SH2B1: variants seen among roughly 807,000 people sequenced by gnomAD.
SH2B1 encodes SH2B adaptor protein 1, also known as SH2B adapter protein 1.
A neutral mutation model predicts 62.6 loss-of-function variants in SH2B1; 15 were observed. That is an observed-to-expected ratio of 0.24 (90% CI 0.16 to 0.37). The LOEUF is 0.37. Ranked by LOEUF, SH2B1 falls within the 10% of genes least tolerant of loss-of-function variation. SH2B1 has a pLI of 1.00. For missense variants in SH2B1, 925 were observed against 1,015.6 expected, an observed-to-expected ratio of 0.91 and a Z score of 1.21; for synonymous variants, 443 against 438.0, an observed-to-expected ratio of 1.01 and a Z score of -0.14.
chr16:28,854,647 T>C (rs899394964), intron 1 of SH2B1, among the ~76,000 whole-genome samples: 3 of 152,020 alleles, frequency 2.0e-5, no homozygotes, highest in Non-Finnish European at 4.4e-5. Flanking sequence ...TCCCAACTAC[T>C]TGGAAGGCTG....
rs553859559 is a variant in SH2B1, at chr16:28,864,372, C to G, written c.-1723C>G. 3 of 989,118 alleles carry G rather than the reference C, an allele frequency of 3.0e-6. No individual in the cohort carries two copies. In the African/African-American group the frequency reaches 5.2e-5, roughly 17 times the overall value. 61.3% of individuals were successfully genotyped at this position (989,118 alleles called of 1,614,324 possible). A position where few individuals can be genotyped will look rare whatever the true frequency, so the allele number is the denominator to read the frequency against. ...GCCTGAAGGGGGCTGGGTCTGTCTG[C>G]GGTGCGGAGGATTGGGTGGGCCTGT... On this transcript the variant is annotated 5_prime_UTR_variant, in exon 1 of 8. Transcript: ENST00000684370.
Position 28,872,974 on chromosome 16 carries a change from C to T in SH2B1, c.1897+269C>T, listed in dbSNP as rs1480713697. On this transcript the variant is annotated intron_variant, in intron 7 of 7. Coordinates refer to ENST00000684370, the MANE Select transcript of SH2B1 (RefSeq NM_001387430.1). This position sits in a 1 kb window ranked among gnomAD's most constrained non-coding sequence, Gnocchi z 5.3. ...CCCCATTCCATCGGATCCTCTGTTCCATTGTCTGTCTGTCTCCTGGACCCA... is the reference window on the plus strand; with the variant it reads ...CCCCATTCCATCGGATCCTCTGTTCTATTGTCTGTCTGTCTCCTGGACCCA... 2 of 637,226 alleles carry T rather than the reference C, an allele frequency of 3.1e-6. No homozygotes were observed. Among genetic ancestry groups the T allele is most frequent in the East Asian group, 5.5e-5 (2 of 36,686 alleles). 39.5% of individuals were successfully genotyped at this position (637,226 alleles called of 1,614,324 possible). A position where few individuals can be genotyped will look rare whatever the true frequency, so the allele number is the denominator to read the frequency against.
chr16:28,868,468 T>A (rs961119710), intron 2 of SH2B1, among the ~76,000 whole-genome samples: 1 of 151,838 alleles, frequency 6.6e-6, no homozygotes, highest in Non-Finnish European at 1.5e-5. Flanking sequence ...TTTTATTTTT[T>A]ATATTTTTGA....
In SH2B1 at chr16:28,864,619, G is replaced by A; in HGVS notation, c.-1476G>A. 1 of 985,554 alleles carries A rather than the reference G, an allele frequency of 1.0e-6. No individual in the cohort carries two copies. The highest frequency in any genetic ancestry group is 4.7e-5 in the South Asian group (1 of 21,276). The allele number at this position is 985,554 out of a possible 1,614,324, so 61.1% of individuals were successfully genotyped here. ...TGAACAGGAGTCTGAGGTCGCTGAG[G>A]GTTTGGGGAGGCTTTCCTGAGCTGC... On this transcript the variant is annotated 5_prime_UTR_variant, in exon 1 of 8. Coordinates refer to ENST00000684370, the MANE Select transcript of SH2B1 (RefSeq NM_001387430.1).
intron 1 of SH2B1, among the ~76,000 whole-genome samples, chr16:28,853,412 C>T (rs1962252643): frequency 6.7e-6 from 1 of 150,190 alleles, no homozygotes; most frequent in East Asian, 2.0e-4. Flanking sequence ...ACCATTCTGG[C>T]CAGGCTGGTC....
At chr16:28,867,492 C>A in intron 2 of SH2B1, 60 bp downstream of exon 2, 1 of 1,326,950 alleles carries the variant, frequency 7.5e-7, no homozygotes, top group Non-Finnish European at 1.1e-6. Context: ...GCCCTCAGCG[C>A]ATTTAAGCAA....
In SH2B1 at chr16:28,872,929, TGA is replaced by T; in HGVS notation, c.1897+228_1897+229del. ...TCCTGGCCGGAGCCGGGGCGGCAGC[TGA>T]GAGGTGGGCGGGCGCATCCCCATTC... On this transcript the variant is annotated intron_variant, in intron 7 of 7. Coordinates refer to ENST00000684370, the MANE Select transcript of SH2B1 (RefSeq NM_001387430.1). This position sits in a 1 kb window ranked among gnomAD's most constrained non-coding sequence, Gnocchi z 5.3. The T allele has an allele frequency of 1.5e-6, 1 of 676,582 alleles. No homozygotes were observed. Among genetic ancestry groups the T allele is most frequent in the South Asian group, 1.8e-5 (1 of 54,148 alleles). 41.9% of individuals were successfully genotyped at this position (676,582 alleles called of 1,614,324 possible). A position where few individuals can be genotyped will look rare whatever the true frequency, so the allele number is the denominator to read the frequency against.
chr16:28,854,494 G>A (rs1479488891), intron 1 of SH2B1, among the ~76,000 whole-genome samples: 1 of 152,014 alleles, frequency 6.6e-6, no homozygotes, highest in Non-Finnish European at 1.5e-5. Context: ...GCTCATGCCT[G>A]TATGTAATCC....
At position 28,852,838 on chromosome 16, in the gene SH2B1, A is replaced by ACATATATATATTTTTATATATATT. The variant is rs1962195497; in HGVS notation, c.-301+6011_-301+6012insCATATATATATTTTTATATATATT. On this transcript the variant is annotated intron_variant, in intron 1 of 10. Coordinates refer to the SH2B1 transcript ENST00000322610. The stretch of plus-strand genomic sequence containing the variant: ...TATTTACATATATATTTATATATAT[A>ACATATATATATTTTTATATATATT]TACATATATATATTTTTATATATAT... Among the ~76,000 whole-genome samples, 2 of 46,964 alleles carry ACATATATATATTTTTATATATATT rather than the reference A, an allele frequency of 4.3e-5. 1 individual carries two copies. The highest frequency in any genetic ancestry group is 8.1e-5 in the Non-Finnish European group (2 of 24,668). The allele number at this position is 46,964 out of a possible 152,430, so 30.8% of individuals were successfully genotyped here. A position where few individuals can be genotyped will look rare whatever the true frequency, so the allele number is the denominator to read the frequency against.
chr16:28,859,710 G>GA (rs1044650977), upstream of SH2B1, among the ~76,000 whole-genome samples: 1,979 of 141,196 alleles, frequency 0.014, 34 homozygotes, highest in African/African-American at 0.04. Flanking sequence ...CCTGTATCAG[G>GA]AAAAAAAAAA....
chr16:28,860,314 C>G (rs1280468879), upstream of SH2B1, among the ~76,000 whole-genome samples: 1 of 149,572 alleles, frequency 6.7e-6, no homozygotes, highest in Non-Finnish European at 1.5e-5. Flanking sequence ...TGCAGTGGCA[C>G]GATCTTGGCT....
At chr16:28,869,532 GAT>G in intron 4 of SH2B1, 149 bp downstream of exon 4, 1 of 698,456 alleles carries the variant, frequency 1.4e-6, no homozygotes, top group Non-Finnish European at 2.3e-6. Context: ...GTTGGTCTTT[GAT>G]CCCTGAACAC....
upstream of SH2B1, among the ~76,000 whole-genome samples, chr16:28,859,371 A>T (rs1194003387): frequency 6.6e-6 from 1 of 152,178 alleles, no homozygotes; most frequent in Admixed American, 6.6e-5. Context: ...CAACAGATAA[A>T]TTCCTTATTA....
In SH2B1 at chr16:28,863,991, T is replaced by C; in HGVS notation, c.-2104T>C. 9 of 1,316,162 alleles carry C rather than the reference T, an allele frequency of 6.8e-6. No homozygotes were observed. Among genetic ancestry groups the C allele is most frequent in the South Asian group, 1.6e-5 (1 of 63,620 alleles). The allele number at this position is 1,316,162 out of a possible 1,614,324, so 81.5% of individuals were successfully genotyped here. On this transcript the variant is annotated 5_prime_UTR_variant, in exon 1 of 8. Transcript: ENST00000684370. ...CCCCTCTTCAAGTACCTTTTCCCTCTCCGCGACCCGGCCCTGGCGCCCGAG... is the reference window on the plus strand; with the variant it reads ...CCCCTCTTCAAGTACCTTTTCCCTCCCCGCGACCCGGCCCTGGCGCCCGAG...
Position 28,863,847 on chromosome 16 carries a change from C to T in SH2B1, c.-2248C>T. The T allele has an allele frequency of 1.3e-6, 2 of 1,528,102 alleles. No individual in the cohort carries two copies. Among genetic ancestry groups the T allele is most frequent in the Non-Finnish European group, 1.7e-6 (2 of 1,143,092 alleles). The allele number at this position is 1,528,102 out of a possible 1,614,324, so 94.7% of individuals were successfully genotyped here. On this transcript the variant is annotated 5_prime_UTR_variant, in exon 1 of 8. Transcript: ENST00000684370. ...GGGGGTCCTGACGCCTGCGCGGAACCGGGCTGGGCGCTCGTCGCGTAGTGG... is the reference window on the plus strand; with the variant it reads ...GGGGGTCCTGACGCCTGCGCGGAACTGGGCTGGGCGCTCGTCGCGTAGTGG...
intron 1 of SH2B1, among the ~76,000 whole-genome samples, chr16:28,851,062 T>G (rs1359915490): frequency 6.7e-6 from 1 of 150,092 alleles, no homozygotes; most frequent in Non-Finnish European, 1.5e-5. Flanking sequence ...TAGTCCCAGC[T>G]ACTCGGGAGG....
At chr16:28,869,703 A>G (rs1306686672) in intron 4 of SH2B1, among the ~76,000 whole-genome samples, 2 of 152,114 alleles carry the variant, frequency 1.3e-5, no homozygotes, top group African/African-American at 4.8e-5. Context: ...CTTCTGGAAC[A>G]CTTTGTAGAA....
chr16:28,873,266 G>T lies in SH2B1; in HGVS notation c.1898-181G>T, dbSNP rs1963148329. On this transcript the variant is annotated intron_variant, in intron 7 of 7. Coordinates refer to ENST00000684370, the MANE Select transcript of SH2B1 (RefSeq NM_001387430.1). The surrounding 1 kb of genome is among the most constrained non-coding windows in gnomAD (Gnocchi z 4.2). ...CTCATGCCCTTCGGAGCGAGTGACT[G>T]TGTGTAAGTGTGGTCCTCCTCTCAC... The T allele has an allele frequency of 1.2e-6, 2 of 1,606,934 alleles. No individual in the cohort carries two copies. Among genetic ancestry groups the T allele is most frequent in the Non-Finnish European group, 1.7e-6 (2 of 1,177,952 alleles).
chr16:28,865,010 G>A lies in SH2B1; in HGVS notation c.-1085G>A, dbSNP rs1249607407. The A allele has an allele frequency of 3.8e-6, 3 of 783,700 alleles. No homozygotes were observed. Among genetic ancestry groups the A allele is most frequent in the East Asian group, 2.5e-4 (2 of 7,876 alleles). 48.5% of individuals were successfully genotyped at this position (783,700 alleles called of 1,614,324 possible). ...TTGTTCAAGATAACATCGCTCATAA[G>A]GTGGCTGGACTGGGTGCTCATAAGG... On this transcript the variant is annotated 5_prime_UTR_variant, in exon 1 of 8. Transcript: ENST00000684370.
Sources: allele counts gnomAD v4.1 joint callset (sites outside exome capture counted in the v4.1 genomes callset), GRCh38; gene constraint gnomAD v4.1.1; non-coding constraint Gnocchi (gnomAD v3.1); transcripts MANE v1.5; gene names NCBI Gene and HGNC (gene_info 2026-07-23, HGNC 2026-07-21).